ARHGAP25: variants seen among roughly 807,000 people sequenced by gnomAD.
ARHGAP25 encodes rho GTPase-activating protein 25.
In ARHGAP25, 34 loss-of-function variants were observed where a neutral mutation model predicts 71.0. The ratio of observed to expected loss-of-function variants is 0.48; its 90% CI spans 0.36 to 0.64. ARHGAP25 has a LOEUF of 0.64. Among genes scored for constraint, ARHGAP25 ranks in the 30% least tolerant of loss-of-function variants. ARHGAP25 has a pLI of 0.00. For synonymous variants in ARHGAP25, 282 were observed against 296.5 expected (o/e 0.95, Z 0.50); for missense variants, 706 against 805.1 (o/e 0.88, Z 1.49).
At chr2:68,757,516 A>AT (rs905057158) in intron 1 of ARHGAP25, 6 of 152,098 alleles carry the variant, frequency 3.9e-5, no homozygotes, top group African/African-American at 1.4e-4. Flanking sequence ...TTAAAGTGCT[A>AT]TTTTTTTCAG....
chr2:68,788,104 A>C (rs1035032219), intron 4 of ARHGAP25, 148 bp downstream of exon 4: 31 of 659,272 alleles, frequency 4.7e-5, no homozygotes, highest in Admixed American at 7.8e-5. Flanking sequence ...GTGCTCTGTC[A>C]AATGTGGAGG....
intron 9 of ARHGAP25, among the ~76,000 whole-genome samples, chr2:68,820,357 T>C (rs1681554805): frequency 1.3e-5 from 2 of 152,190 alleles, no homozygotes; most frequent in Non-Finnish European, 2.9e-5. Flanking sequence ...CGTATTGTGT[T>C]ATTGAGGAGC....
At chr2:68,748,196 A>G (rs1675951069) in intron 1 of ARHGAP25, among the ~76,000 whole-genome samples, 1 of 152,168 alleles carries the variant, frequency 6.6e-6, no homozygotes, top group Non-Finnish European at 1.5e-5. Flanking sequence ...CTGAACATCC[A>G]GTGCTCATAG....
intron 10 of ARHGAP25, among the ~76,000 whole-genome samples, chr2:68,824,659 G>A (rs942133663): frequency 3.3e-5 from 5 of 152,032 alleles, no homozygotes; most frequent in African/African-American, 1.2e-4. Flanking sequence ...GGAGAATGGT[G>A]TGAACCTGGG....
At chr2:68,777,899 C>A (rs1318187237) in intron 2 of ARHGAP25, among the ~76,000 whole-genome samples, 2 of 152,056 alleles carry the variant, frequency 1.3e-5, no homozygotes, top group Non-Finnish European at 2.9e-5. Context: ...CTTCCCTATA[C>A]ATATGTATTT....
chr2:68,796,551 T>G (rs531691622), intron 4 of ARHGAP25, among the ~76,000 whole-genome samples: 22 of 152,240 alleles, frequency 1.4e-4, no homozygotes, highest in Non-Finnish European at 2.8e-4. Flanking sequence ...TAGGGCCATT[T>G]GACTTTGCTT....
At chr2:68,815,964 A>G (rs1050441596) in intron 6 of ARHGAP25, among the ~76,000 whole-genome samples, 3 of 152,126 alleles carry the variant, frequency 2.0e-5, no homozygotes, top group African/African-American at 7.2e-5. Context: ...TTACCTCTCA[A>G]GCATTCATTC....
At chr2:68,801,677 C>A (rs1446586669) in intron 4 of ARHGAP25, among the ~76,000 whole-genome samples, 1 of 152,166 alleles carries the variant, frequency 6.6e-6, no homozygotes, top group Non-Finnish European at 1.5e-5. Context: ...AAAACAGATG[C>A]TGAGCCAGAT....
rs1677219365 is a variant in ARHGAP25, at chr2:68,767,815, C to T, written c.62-7406C>T. Among the ~76,000 whole-genome samples, 1 of 152,160 alleles carries T rather than the reference C, an allele frequency of 6.6e-6. No homozygotes were observed. The highest frequency in any genetic ancestry group is 1.5e-5 in the Non-Finnish European group (1 of 68,030). On this transcript the variant is annotated intron_variant, in intron 1 of 10. Transcript: ENST00000409202. The surrounding 1 kb of genome is among the most constrained non-coding windows in gnomAD (Gnocchi z 4.6). Reference sequence around the variant, plus strand: ...TCGAGGCCTGCTGAGCCTTGCAGAGCATACACTGGCGGAAATAGCACAAAA... The same window carrying T: ...TCGAGGCCTGCTGAGCCTTGCAGAGTATACACTGGCGGAAATAGCACAAAA...
rs113875571 is a variant in ARHGAP25, at chr2:68,725,038, A to G, written c.-18+14340A>G. 2.6e-4 allele frequency among the ~76,000 whole-genome samples: 40 copies of G among 152,240 alleles called. 2 individuals are homozygous for G. The highest frequency in any genetic ancestry group is 9.1e-4 in the African/African-American group (38 of 41,546). On this transcript the variant is annotated intron_variant and NMD_transcript_variant, in intron 2 of 7. Coordinates refer to the ARHGAP25 transcript ENST00000463483. ...TGGCAGAGCCTTTGAGTAGAGAACG[A>G]TACTCCTTCCTTGGATGGCTGAAGC... is the stretch of plus-strand genomic sequence containing the variant.
chr2:68,787,462 C>A (rs952815032), intron 3 of ARHGAP25, among the ~76,000 whole-genome samples: 1 of 152,208 alleles, frequency 6.6e-6, no homozygotes, highest in African/African-American at 2.4e-5. Flanking sequence ...GGAAAGTATC[C>A]ACGGTTGGCG....
At chr2:68,793,203 T>A (rs1301416009) in intron 4 of ARHGAP25, among the ~76,000 whole-genome samples, 2 of 152,196 alleles carry the variant, frequency 1.3e-5, no homozygotes, top group Non-Finnish European at 2.9e-5. Context: ...AGTTTGCAGC[T>A]ATTTTCTCCC....
chr2:68,779,181 C>G (rs1332865469), intron 2 of ARHGAP25, among the ~76,000 whole-genome samples: 1 of 152,120 alleles, frequency 6.6e-6, no homozygotes, highest in East Asian at 1.9e-4. Context: ...ACAACTGGCC[C>G]TCTGATGGGA....
chr2:68,771,622 G>A (rs1198824647), intron 1 of ARHGAP25, among the ~76,000 whole-genome samples: 1 of 152,162 alleles, frequency 6.6e-6, no homozygotes, highest in Non-Finnish European at 1.5e-5. Flanking sequence ...GGGCTATGGA[G>A]GGAGATGGCT....
intron 1 of ARHGAP25, 198 bp downstream of exon 1, chr2:68,735,458 C>G (rs1675165391): frequency 1.6e-6 from 1 of 622,252 alleles, no homozygotes; most frequent in Non-Finnish European, 2.9e-6. Context: ...TTCATTTGGA[C>G]AAAACAGTGG....
At position 68,714,330 on chromosome 2, in the gene ARHGAP25, A is replaced by G. The variant is rs192630872; in HGVS notation, c.-18+3632A>G. 4.1e-3 allele frequency among the ~76,000 whole-genome samples: 623 copies of G among 152,188 alleles called. 5 individuals carry two copies. Among genetic ancestry groups the G allele is most frequent in the South Asian group, 0.024 (115 of 4,824 alleles). ...GTATTTCTGTGGGATCAGTGGTGAT[A>G]TCCCCTTTTTCATTTTTTATTGCAT... On this transcript the variant is annotated intron_variant and NMD_transcript_variant, in intron 2 of 7. Transcript: ENST00000463483.
intron 6 of ARHGAP25, 157 bp from the exon 7 acceptor site, chr2:68,816,132 C>T (rs1573623927): frequency 6.0e-6 from 4 of 667,528 alleles, no homozygotes; most frequent in Middle Eastern, 4.8e-4. Flanking sequence ...AGTTATTTCC[C>T]TTTTTTTTTT....
At position 68,819,013 on chromosome 2, in the gene ARHGAP25, G is replaced by C. The variant is rs566961237; in HGVS notation, c.1004-110G>C. 7.4e-6 allele frequency: 7 copies of C among 941,794 alleles called. No individual in the cohort carries two copies. In the Admixed American group the frequency reaches 1.8e-4, roughly 24 times the overall value. 58.3% of individuals were successfully genotyped at this position (941,794 alleles called of 1,614,324 possible). Reference sequence around the variant, plus strand: ...TGAGAAGCAAAATGAGGCCCTTCTGGGCCCTATAGTTTTAGAACCGAGTTT... The same window carrying C: ...TGAGAAGCAAAATGAGGCCCTTCTGCGCCCTATAGTTTTAGAACCGAGTTT... On this transcript the variant is annotated intron_variant, in intron 8 of 10. Transcript: ENST00000409202.
At chr2:68,777,534 C>T (rs1678012014) in intron 2 of ARHGAP25, among the ~76,000 whole-genome samples, 1 of 152,038 alleles carries the variant, frequency 6.6e-6, no homozygotes, top group Non-Finnish European at 1.5e-5. Context: ...AGGAAGAAAC[C>T]CAAAGCCTTC....
Sources: gnomAD v4.1 joint callset for allele counts (sites outside exome capture counted in the v4.1 genomes callset) on GRCh38, gnomAD v4.1.1 for gene constraint, Gnocchi (gnomAD v3.1) non-coding constraint, MANE v1.5 for transcripts, NCBI Gene and HGNC (gene_info 2026-07-23, HGNC 2026-07-21) for gene names.